Variants in ARAP1 observed in about 807,000 individuals in gnomAD.
ARAP1 encodes the protein arf-GAP with Rho-GAP domain, ANK repeat and PH domain-containing protein 1.
Under a neutral mutation model 172.2 loss-of-function variants are expected in ARAP1, and 76 were observed. That is an observed-to-expected ratio of 0.44 (90% CI 0.37 to 0.53). The LOEUF (loss-of-function observed/expected upper bound fraction) is 0.53. Among genes scored for constraint, ARAP1 ranks in the 20% least tolerant of loss-of-function variants. The probability of loss-of-function intolerance (pLI) is 0.00; values close to 1 mark genes in which losing one functional copy is unlikely to be tolerated. For missense variants in ARAP1, 1,686 were observed against 1,977.5 expected, an observed-to-expected ratio of 0.85 and a Z score of 2.80; for synonymous variants, 804 against 803.3, an observed-to-expected ratio of 1.00 and a Z score of -0.01.
In ARAP1 at chr11:72,710,370, A is replaced by G; in HGVS notation, c.1416+15T>C. ...TGGACATGGGCAGGGGAGAGGTTCC[A>G]TGACCCCTTAGCACCTCTAGATTCT... On this transcript the variant is annotated intron_variant, in intron 10 of 34. Coordinates refer to ENST00000393609, the MANE Select transcript of ARAP1 (RefSeq NM_001040118.3). The surrounding 1 kb of genome is among the most constrained non-coding windows in gnomAD (Gnocchi z 4.3). 5 of 1,613,304 alleles carry G rather than the reference A, an allele frequency of 3.1e-6. No individual in the cohort carries two copies. The Middle Eastern group carries it at 8.3e-4, about 266-fold the overall frequency.
chr11:72,693,872 G>A lies in ARAP1; in HGVS notation c.3695-67C>T, dbSNP rs1591175447. On this transcript the variant is annotated intron_variant, in intron 27 of 34. Coordinates refer to ENST00000393609, the MANE Select transcript of ARAP1 (RefSeq NM_001040118.3). This position sits in a 1 kb window ranked among gnomAD's most constrained non-coding sequence, Gnocchi z 4.6. ...CCGATACCACCAAAGGCTGGCAGAT[G>A]GGCACATATCACCTACACATCCCCT... 3.8e-6 allele frequency: 5 copies of A among 1,320,294 alleles called. No individual in the cohort carries two copies. In the South Asian group the frequency reaches 4.0e-5, roughly 11 times the overall value. The allele number at this position is 1,320,294 out of a possible 1,614,324, so 81.8% of individuals were successfully genotyped here. A position where few individuals can be genotyped will look rare whatever the true frequency, so the allele number is the denominator to read the frequency against.
chr11:72,695,877 A>G lies in ARAP1; in HGVS notation c.3273-12T>C. 1 of 1,606,480 alleles carries G rather than the reference A, an allele frequency of 6.2e-7. No individual in the cohort carries two copies. On this transcript the variant is annotated splice_polypyrimidine_tract_variant and intron_variant, in intron 23 of 34. Transcript: ENST00000393609. This position sits in a 1 kb window ranked among gnomAD's most constrained non-coding sequence, Gnocchi z 4.4. ...AGAAGCACTGAACACTGGAGAGGGG[A>G]GGAGGAGGGCTTTGAGTGAGGAGTC...
chr11:72,714,225 A>G lies in ARAP1; in HGVS notation c.606T>C (p.Pro202=). 1.3e-6 allele frequency: 2 copies of G among 1,520,192 alleles called. No individual in the cohort carries two copies. The highest frequency in any genetic ancestry group is 2.6e-5 in the East Asian group (1 of 39,210). The allele number at this position is 1,520,192 out of a possible 1,614,324, so 94.2% of individuals were successfully genotyped here. A position where few individuals can be genotyped will look rare whatever the true frequency, so the allele number is the denominator to read the frequency against. ...EEPLSTLPQG[P]PQPPSPPPCP... ...AGGGAGGTGGAGAGGGAGGCTGGGG[A>G]GGCCCCTGGGGGAGGGTGGACAGGG... Residue 202 remains proline, a synonymous_variant, in exon 4 of 35, where the codon CCT becomes CCC. Coordinates refer to ENST00000393609, the MANE Select transcript of ARAP1 (RefSeq NM_001040118.3).
chr11:72,745,257 C>T (rs562303856), intron 1 of ARAP1, among the ~76,000 whole-genome samples: 6 of 141,214 alleles, frequency 4.2e-5, no homozygotes, highest in South Asian at 2.2e-4. Context: ...GGCTCGATCT[C>T]GGCTCACTGC....
At position 72,701,728 on chromosome 11, in the gene ARAP1, C is replaced by G; in HGVS notation, c.2223G>C (p.Leu741=). The change falls in exon 16 of 35, where the codon CTG becomes CTC. Residue 741 remains leucine (L), a synonymous_variant. Coordinates refer to ENST00000393609, the MANE Select transcript of ARAP1 (RefSeq NM_001040118.3). The stretch of plus-strand genomic sequence containing the variant: ...GGAAGCCACTGTGGCTCACGGTCGG[C>G]AGGACAACTGAGTAGTGCTTTTCCA... ...KPLEKHYSVV[L]PTVSHSGFLY... is the part of the protein sequence containing the mutation. 6.2e-7 allele frequency: 1 copy of G among 1,614,002 alleles called. No individual in the cohort carries two copies. The highest frequency in any genetic ancestry group is 8.5e-7 in the Non-Finnish European group (1 of 1,179,894).
Position 72,695,876 on chromosome 11 carries a change from G to C in ARAP1, c.3273-11C>G, listed in dbSNP as rs1283131422. 4 of 1,606,648 alleles carry C rather than the reference G, an allele frequency of 2.5e-6. No individual in the cohort carries two copies. The highest frequency in any genetic ancestry group is 1.7e-5 in the Admixed American group (1 of 59,486). On this transcript the variant is annotated splice_polypyrimidine_tract_variant and intron_variant, in intron 23 of 34. Coordinates refer to ENST00000393609, the MANE Select transcript of ARAP1 (RefSeq NM_001040118.3). This position sits in a 1 kb window ranked among gnomAD's most constrained non-coding sequence, Gnocchi z 4.4. ...GAGAAGCACTGAACACTGGAGAGGGGAGGAGGAGGGCTTTGAGTGAGGAGT... is the reference window on the plus strand; with the variant it reads ...GAGAAGCACTGAACACTGGAGAGGGCAGGAGGAGGGCTTTGAGTGAGGAGT...
rs772981848 is a variant in ARAP1, at chr11:72,695,647, C to T, written c.3421-19G>A. 4 of 1,614,050 alleles carry T rather than the reference C, an allele frequency of 2.5e-6. No individual in the cohort carries two copies. The Admixed American group carries it at 5.0e-5, about 20-fold the overall frequency. ...CATCCACCTGGGAAGGGGCGAGAGGCAGGGACAGGTGGTCACCGTCATCTG... is the reference window on the plus strand; with the variant it reads ...CATCCACCTGGGAAGGGGCGAGAGGTAGGGACAGGTGGTCACCGTCATCTG... On this transcript the variant is annotated intron_variant, in intron 24 of 34. Transcript: ENST00000393609. The surrounding 1 kb of genome is among the most constrained non-coding windows in gnomAD (Gnocchi z 4.4).
At chr11:72,700,044 C>G (rs937350287) in intron 16 of ARAP1, 7 of 171,154 alleles carry the variant, frequency 4.1e-5, no homozygotes, top group Non-Finnish European at 6.4e-5. Flanking sequence ...ATCTATCACT[C>G]TGTACTCTGC....
In ARAP1 at chr11:72,726,816, T is replaced by C. The variant is rs532854470; in HGVS notation, c.313A>G (p.Thr105Ala). The C allele has an allele frequency of 3.5e-5, 54 of 1,560,626 alleles. No homozygotes were observed. In the East Asian group the frequency reaches 8.1e-4, roughly 23 times the overall value. Residue 105 changes from threonine to alanine, a missense_variant, in exon 3 of 35, where the codon ACT (threonine) becomes GCT (alanine). Transcript: ENST00000393609. This position sits in a 1 kb window ranked among gnomAD's most constrained non-coding sequence, Gnocchi z 6.5. ...PATPPEPLPT[T>A]TEDEGLPAAP... is the part of the protein sequence containing the mutation. ...GCGGGGAGCCCCTCATCCTCTGTAG[T>C]GGTGGGCAGCGGCTCGGGTGGAGTG...
intron 1 of ARAP1, among the ~76,000 whole-genome samples, chr11:72,738,091 C>A (rs758185291): frequency 1.3e-5 from 2 of 152,194 alleles, no homozygotes; most frequent in Non-Finnish European, 2.9e-5. Flanking sequence ...CTAGAAGGAA[C>A]CCCTGACTTG....
At chr11:72,719,834 A>G (rs1857435173) in intron 3 of ARAP1, among the ~76,000 whole-genome samples, 1 of 152,130 alleles carries the variant, frequency 6.6e-6, no homozygotes, top group East Asian at 1.9e-4. Flanking sequence ...GTGCATACTT[A>G]CAGGCCTTTA....
rs80123537 is a variant in ARAP1, at chr11:72,699,064, A to G, written c.2482T>C (p.Tyr828His). The G allele has an allele frequency of 6.2e-7, 1 of 1,614,156 alleles. No homozygotes were observed. Among genetic ancestry groups the G allele is most frequent in the Non-Finnish European group, 8.5e-7 (1 of 1,180,020 alleles). ...TCCGCACTCTCCAGCCCAAACAGGT[A>G]CAGCCGTTCTCCCTCCGTGTACACC... The part of the protein sequence containing the change: ...FEVYTEGERL[Y>H]LFGLESAEQA... The change falls in exon 18 of 35, where the codon TAC becomes CAC. Residue 828 changes from tyrosine (Y) to histidine (H), a missense_variant. Physicochemically the swap from Tyr to His is moderately conservative, Grantham distance 83 (BLOSUM62 2). Transcript: ENST00000393609. This position sits in a 1 kb window ranked among gnomAD's most constrained non-coding sequence, Gnocchi z 4.2.
At chr11:72,703,413 G>GGGGGGGC (rs1555013459) in intron 14 of ARAP1, 1 of 173,066 alleles carries the variant, frequency 5.8e-6, no homozygotes, top group African/African-American at 2.5e-5. Context: ...GGAGCCGGGG[G>GGGGGGGC]GGGGGTGTGC....
intron 13 of ARAP1, 165 bp from the exon 14 acceptor site, chr11:72,704,499 G>T: frequency 1.4e-6 from 1 of 716,784 alleles, no homozygotes; most frequent in South Asian, 1.9e-5. Context: ...TGGTGGCTGG[G>T]GATGCTCCTG....
At chr11:72,734,897 G>A (rs182425289) in intron 1 of ARAP1, among the ~76,000 whole-genome samples, 1 of 150,634 alleles carries the variant, frequency 6.6e-6, no homozygotes, top group Non-Finnish European at 1.5e-5. Context: ...TTGTTTACAT[G>A]ATGAAATATA....
intron 7 of ARAP1, 51 bp downstream of exon 7, chr11:72,712,139 ACACTGC>A: frequency 1.3e-6 from 2 of 1,502,830 alleles, no homozygotes. Context: ...GGGGTCCTGG[ACACTGC>A]CCCCCACCCC....
rs1246852475 is a variant in ARAP1 at position 72,710,520 on chromosome 11, G to A, written c.1281C>T (p.Leu427=). 3 of 1,613,846 alleles carry A rather than the reference G, an allele frequency of 1.9e-6. No homozygotes were observed. The highest frequency in any genetic ancestry group is 2.7e-5 in the African/African-American group (2 of 75,034). The change falls in exon 10 of 35, where the codon CTC becomes CTT. Residue 427 remains leucine (L), a synonymous_variant. Transcript: ENST00000393609. This position sits in a 1 kb window ranked among gnomAD's most constrained non-coding sequence, Gnocchi z 4.3. The part of the protein sequence containing the change: ...AMAEQRARAR[L]SSAYLLGVPG... ...GAACTCCCAGCAGATAAGCGCTAGA[G>A]AGCCGGGCCCGGGCACGCTGCTCAG... is the stretch of plus-strand genomic sequence containing the variant.
At chr11:72,724,516 C>T (rs547382541) in intron 3 of ARAP1, among the ~76,000 whole-genome samples, 2 of 152,058 alleles carry the variant, frequency 1.3e-5, no homozygotes, top group Admixed American at 1.3e-4. Flanking sequence ...GGACTGAGAG[C>T]GGACAAGGTG....
Position 72,685,432 on chromosome 11 carries a change from G to C in ARAP1, c.*232C>G. On this transcript the variant is annotated 3_prime_UTR_variant, in exon 35 of 35. Transcript: ENST00000393609. ...CGGTGGGGTGAGCAGGTTGGGCCAA[G>C]AGGTCTGAACACCTGGACAGAGTTG... The C allele has an allele frequency of 1.7e-6, 1 of 595,060 alleles. No individual in the cohort carries two copies. 36.9% of individuals were successfully genotyped at this position (595,060 alleles called of 1,614,324 possible).
Sources: gnomAD v4.1 joint callset for allele counts (sites outside exome capture counted in the v4.1 genomes callset) on GRCh38, gnomAD v4.1.1 for gene constraint, Gnocchi (gnomAD v3.1) non-coding constraint, MANE v1.5 for transcripts, NCBI Gene and HGNC (gene_info 2026-07-23, HGNC 2026-07-21) for gene names.